Variants in ITGA11 observed in about 807,000 individuals in gnomAD.
ITGA11 encodes the protein integrin subunit alpha 11.
In ITGA11, 97 loss-of-function variants were observed where a neutral mutation model predicts 141.9. That is an observed-to-expected ratio of 0.68 (90% CI 0.58 to 0.81). The LOEUF (loss-of-function observed/expected upper bound fraction) is 0.81, where lower values mean the gene tolerates loss of function less well. Among genes scored for constraint, ITGA11 ranks in the 30% least tolerant of loss-of-function variants. The probability of loss-of-function intolerance (pLI) is 0.00; values close to 1 mark genes in which losing one functional copy is unlikely to be tolerated. For synonymous variants in ITGA11, 658 were observed against 624.6 expected, an observed-to-expected ratio of 1.05 and a Z score of -0.80; for missense variants, 1,387 against 1,559.2, an observed-to-expected ratio of 0.89 and a Z score of 1.86.
intron 7 of ITGA11, among the ~76,000 whole-genome samples, chr15:68,354,523 C>CT (rs1895010813): frequency 1.3e-5 from 2 of 152,228 alleles, no homozygotes; most frequent in Non-Finnish European, 2.9e-5. Context: ...ACATGAACCC[C>CT]TTGCTGTGGT....
intron 2 of ITGA11, among the ~76,000 whole-genome samples, chr15:68,390,486 C>T (rs1896090877): frequency 6.6e-6 from 1 of 152,068 alleles, no homozygotes; most frequent in African/African-American, 2.4e-5. Context: ...ACAGCGGATC[C>T]TTGGGGGGTT....
chr15:68,348,706 G>A, intron 10 of ITGA11, 124 bp downstream of exon 10: 1 of 787,674 alleles, frequency 1.3e-6, no homozygotes, highest in East Asian at 2.7e-5. Context: ...AAGAAAGAGA[G>A]AAAGTGAGGA....
Position 68,325,227 on chromosome 15 carries a change from G to A in ITGA11, c.2226C>T (p.Tyr742=), listed in dbSNP as rs774825322. The A allele has an allele frequency of 5.6e-6, 9 of 1,613,006 alleles. No individual in the cohort carries two copies. Among genetic ancestry groups the A allele is most frequent in the East Asian group, 2.2e-5 (1 of 44,884 alleles). Residue 742 remains tyrosine (Y), a synonymous_variant, in exon 18 of 30, where the codon TAC becomes TAT. Transcript: ENST00000315757. The surrounding 1 kb of genome is among the most constrained non-coding windows in gnomAD (Gnocchi z 5.5). ...INFHVLDTAD[Y]VKPVTFSVEY... is the part of the protein sequence containing the mutation. ...CGACTGAGAAGGTCACTGGCTTCACGTAGTCAGCAGTGTCCTGGGGGGTGG... is the reference window on the plus strand; with the variant it reads ...CGACTGAGAAGGTCACTGGCTTCACATAGTCAGCAGTGTCCTGGGGGGTGG...
chr15:68,349,242 A>G (rs1020061112), intron 9 of ITGA11, among the ~76,000 whole-genome samples: 4 of 152,252 alleles, frequency 2.6e-5, no homozygotes, highest in Non-Finnish European at 5.9e-5. Context: ...AGTGCACAGA[A>G]ATAGTGTACG....
At position 68,332,374 on chromosome 15, in the gene ITGA11, A is replaced by G. The variant is rs775056200; in HGVS notation, c.1530T>C (p.Arg510=). The change falls in exon 13 of 30, where the codon CGT becomes CGC. Residue 510 remains arginine (R), a synonymous_variant. Transcript: ENST00000315757. The part of the protein sequence containing the change: ...VGAPMYFNEG[R]ERGKVYVYEL... ...CATAGACGTACACCTTGCCTCGCTC[A>G]CGGCCCTCGTTGAAGTACATGGGTG... 4 of 1,609,390 alleles carry G rather than the reference A, an allele frequency of 2.5e-6. No individual in the cohort carries two copies. Among genetic ancestry groups the G allele is most frequent in the Non-Finnish European group, 3.4e-6 (4 of 1,178,290 alleles).
intron 10 of ITGA11, among the ~76,000 whole-genome samples, chr15:68,345,435 T>A (rs942150636): frequency 2.6e-5 from 4 of 152,176 alleles, no homozygotes; most frequent in African/African-American, 9.7e-5. Flanking sequence ...AGGTGATGTC[T>A]TGGGGTCTCC....
In ITGA11 at chr15:68,333,706, C is replaced by T. The variant is rs561174856; in HGVS notation, c.1426-1228G>A. On this transcript the variant is annotated intron_variant, in intron 12 of 29. Transcript: ENST00000315757. The surrounding 1 kb of genome is among the most constrained non-coding windows in gnomAD (Gnocchi z 4.2). Reference sequence around the variant, plus strand: ...CCAGCCTCAGGCTGGCCCCTTCAGCCCACCCCCATGGCAGCTGGCGTGGCC... The same window carrying T: ...CCAGCCTCAGGCTGGCCCCTTCAGCTCACCCCCATGGCAGCTGGCGTGGCC... 6.6e-6 allele frequency among the ~76,000 whole-genome samples: 1 copy of T among 152,328 alleles called. No homozygotes were observed. Among genetic ancestry groups the T allele is most frequent in the South Asian group, 2.1e-4 (1 of 4,826 alleles).
intron 2 of ITGA11, among the ~76,000 whole-genome samples, chr15:68,378,154 C>T (rs529341918): frequency 2.1e-4 from 32 of 152,326 alleles, no homozygotes; most frequent in African/African-American, 7.5e-4. Context: ...GATGGCAGGC[C>T]GTGGGCCAGA....
intron 20 of ITGA11, 151 bp downstream of exon 20, chr15:68,320,034 C>G: frequency 1.5e-6 from 1 of 666,316 alleles, no homozygotes; most frequent in East Asian, 2.8e-5. Context: ...AAGTGATCCT[C>G]CCACCTCAGC....
At chr15:68,378,298 A>C (rs1450881405) in intron 2 of ITGA11, among the ~76,000 whole-genome samples, 1 of 152,062 alleles carries the variant, frequency 6.6e-6, no homozygotes, top group Non-Finnish European at 1.5e-5. Context: ...AGGGATACTG[A>C]AATAAATAGT....
intron 2 of ITGA11, among the ~76,000 whole-genome samples, chr15:68,384,674 T>C (rs565378449): frequency 6.6e-6 from 1 of 152,364 alleles, no homozygotes; most frequent in Non-Finnish European, 1.5e-5. Flanking sequence ...GGGTGGTTCA[T>C]CCTATCCTGG....
intron 1 of ITGA11, among the ~76,000 whole-genome samples, chr15:68,406,502 ATC>A (rs886578630): frequency 2.5e-4 from 38 of 151,936 alleles, no homozygotes; most frequent in African/African-American, 9.2e-4. Flanking sequence ...CAGTCTTAGA[ATC>A]TCTGTTTCAA....
intron 12 of ITGA11, 59 bp from the exon 13 acceptor site, chr15:68,332,537 C>T: frequency 6.4e-7 from 1 of 1,561,442 alleles, no homozygotes; most frequent in Non-Finnish European, 8.7e-7. Flanking sequence ...CAACCCAGAG[C>T]CCTCGCCTCG....
intron 1 of ITGA11, among the ~76,000 whole-genome samples, chr15:68,414,319 CG>C (rs1896840293): frequency 6.6e-6 from 1 of 152,080 alleles, no homozygotes; most frequent in South Asian, 2.1e-4. Flanking sequence ...CCTGGGGGGA[CG>C]GGGCTGGAGG....
chr15:68,372,727 AG>A (rs756494716), intron 2 of ITGA11, among the ~76,000 whole-genome samples: 182 of 152,272 alleles, frequency 1.2e-3, no homozygotes, highest in Non-Finnish European at 2.2e-3. Flanking sequence ...GGCTCCCTGC[AG>A]GACCCAGACT....
Position 68,339,541 on chromosome 15 carries a change from T to C in ITGA11, c.1235A>G (p.Lys412Arg), listed in dbSNP as rs1894493992. 1 of 1,613,928 alleles carries C rather than the reference T, an allele frequency of 6.2e-7. No homozygotes were observed. Among genetic ancestry groups the C allele is most frequent in the Admixed American group, 1.7e-5 (1 of 60,016 alleles). Residue 412 changes from lysine (K) to arginine (R), a missense_variant, in exon 11 of 30, where the codon AAA (lysine) becomes AGA (arginine). Physicochemically the swap from Lys to Arg is conservative, Grantham distance 26 (BLOSUM62 2). Transcript: ENST00000315757. ...KVIPLRESYL[K>R]EFPEELKNHG... The stretch of plus-strand genomic sequence containing the variant: ...GTTCTTGAGCTCCTCGGGGAACTCT[T>C]TCAGGTAGGACTCGCGGAGAGGAAT...
chr15:68,327,632 T>C (rs1567130426), intron 16 of ITGA11, among the ~76,000 whole-genome samples: 1 of 152,190 alleles, frequency 6.6e-6, no homozygotes, highest in South Asian at 2.1e-4. Context: ...CTGGAAGTGA[T>C]GGACCCTCAG....
chr15:68,407,383 CAG>C (rs1006279823), intron 1 of ITGA11, among the ~76,000 whole-genome samples: 10 of 152,196 alleles, frequency 6.6e-5, no homozygotes, highest in African/African-American at 2.4e-4. Context: ...CCGAACCAAC[CAG>C]AGAGTGGATT....
intron 1 of ITGA11, among the ~76,000 whole-genome samples, chr15:68,427,346 G>T (rs1320818675): frequency 6.6e-6 from 1 of 152,144 alleles, no homozygotes; most frequent in African/African-American, 2.4e-5. Context: ...TAACCTGATT[G>T]TTGTCCTATG....
Sources: gnomAD v4.1 joint callset for allele counts (sites outside exome capture counted in the v4.1 genomes callset) on GRCh38, gnomAD v4.1.1 for gene constraint, Gnocchi (gnomAD v3.1) non-coding constraint, MANE v1.5 for transcripts, NCBI Gene and HGNC (gene_info 2026-07-23, HGNC 2026-07-21) for gene names.